UNC5C: variants seen among roughly 807,000 people sequenced by gnomAD.
UNC5C encodes netrin receptor UNC5C.
Under a neutral mutation model 99.8 loss-of-function variants are expected in UNC5C, and 47 were observed. The observed-to-expected ratio is 0.47, with a 90% confidence interval of 0.37 to 0.60. The LOEUF is 0.60. UNC5C is among the 20% of genes least tolerant of loss of function. The probability of loss-of-function intolerance (pLI) is 0.00; values close to 1 mark genes in which losing one functional copy is unlikely to be tolerated. For missense variants in UNC5C, 1,062 were observed against 1,165.9 expected (o/e 0.91, Z 1.30); for synonymous variants, 487 against 452.2 (o/e 1.08, Z -0.98).
chr4:95,536,954 C>T (rs1722796761), intron 1 of UNC5C, among the ~76,000 whole-genome samples: 1 of 152,112 alleles, frequency 6.6e-6, no homozygotes, highest in African/African-American at 2.4e-5. Flanking sequence ...TGAATTAAAA[C>T]AGTTAACAAC....
intron 1 of UNC5C, among the ~76,000 whole-genome samples, chr4:95,430,344 G>A (rs943995568): frequency 6.6e-5 from 10 of 151,920 alleles, no homozygotes; most frequent in South Asian, 4.1e-4. Context: ...ATTTTCAGTC[G>A]GAAGGTTAAC....
chr4:95,445,197 T>C (rs1396954754), intron 1 of UNC5C, among the ~76,000 whole-genome samples: 15 of 152,218 alleles, frequency 9.9e-5, no homozygotes, highest in Non-Finnish European at 2.1e-4. Context: ...GGATGATTTG[T>C]AAATTAAATT....
At chr4:95,348,479 T>C (rs1193854492) in intron 1 of UNC5C, among the ~76,000 whole-genome samples, 1 of 151,556 alleles carries the variant, frequency 6.6e-6, no homozygotes, top group Non-Finnish European at 1.5e-5. Flanking sequence ...ATTGTAGCAC[T>C]AGTCACAATT....
At chr4:95,306,437 C>T (rs192177330) in intron 2 of UNC5C, among the ~76,000 whole-genome samples, 297 of 152,110 alleles carry the variant, frequency 2.0e-3, no homozygotes, top group African/African-American at 6.7e-3. Context: ...CTAGTGACCT[C>T]GTGATCCACC....
At chr4:95,418,343 G>A (rs1054054739) in intron 1 of UNC5C, among the ~76,000 whole-genome samples, 8 of 152,174 alleles carry the variant, frequency 5.3e-5, no homozygotes, top group Non-Finnish European at 8.8e-5. Context: ...TTAGAAACGC[G>A]ATGACAAGAG....
Position 95,498,491 on chromosome 4 carries a change from G to A in UNC5C, c.124+50243C>T, listed in dbSNP as rs368341869. On this transcript the variant is annotated intron_variant, in intron 1 of 15. Coordinates refer to ENST00000453304, the MANE Select transcript of UNC5C (RefSeq NM_003728.4). ...TCCATCTTTTCTAAAAACACTGAAT[G>A]AGATACTCCTTACCAAAGTACTCTA... Among the ~76,000 whole-genome samples, 7 of 152,088 alleles carry A rather than the reference G, an allele frequency of 4.6e-5. No homozygotes were observed. In the South Asian group the frequency reaches 1.5e-3, roughly 32 times the overall value.
At chr4:95,421,004 T>C (rs562231977) in intron 1 of UNC5C, among the ~76,000 whole-genome samples, 1 of 152,166 alleles carries the variant, frequency 6.6e-6, no homozygotes, top group Non-Finnish European at 1.5e-5. Flanking sequence ...TCTCTAAGAA[T>C]CCTATCTTCA....
chr4:95,429,027 CTGCTCT>C (rs556916515), intron 1 of UNC5C, among the ~76,000 whole-genome samples: 310 of 152,138 alleles, frequency 2.0e-3, no homozygotes, highest in Admixed American at 2.8e-3. Flanking sequence ...TAAAAGCTTT[CTGCTCT>C]TGCTCTGTTT....
At chr4:95,289,007 T>C (rs1741345679) in intron 3 of UNC5C, among the ~76,000 whole-genome samples, 1 of 152,242 alleles carries the variant, frequency 6.6e-6, no homozygotes, top group Non-Finnish European at 1.5e-5. Context: ...GGATCTGCTC[T>C]GCCATAGTTT....
At chr4:95,441,424 G>A (rs1046571802) in intron 1 of UNC5C, among the ~76,000 whole-genome samples, 67 of 152,254 alleles carry the variant, frequency 4.4e-4, no homozygotes, top group African/African-American at 1.3e-3. Flanking sequence ...AATGAATAAC[G>A]AAGGAGGACT....
chr4:95,197,728 T>C (rs966366865), intron 12 of UNC5C, among the ~76,000 whole-genome samples: 1 of 152,152 alleles, frequency 6.6e-6, no homozygotes, highest in Non-Finnish European at 1.5e-5. Context: ...AAGGCATCCC[T>C]TAGAACAGGT....
At position 95,467,413 on chromosome 4, in the gene UNC5C, C is replaced by G. The variant is rs1210610543; in HGVS notation, c.124+81321G>C. On this transcript the variant is annotated intron_variant, in intron 1 of 15. Coordinates refer to ENST00000453304, the MANE Select transcript of UNC5C (RefSeq NM_003728.4). ...ATAAAGATCAACCCACAGATAAAAA[C>G]AGAGAGAGAGAATGGGGCTGGGAGA... 3.3e-5 allele frequency among the ~76,000 whole-genome samples: 5 copies of G among 152,084 alleles called. No individual in the cohort carries two copies. The East Asian group carries it at 9.7e-4, about 29-fold the overall frequency.
chr4:95,286,674 A>G (rs1019850588), intron 3 of UNC5C, among the ~76,000 whole-genome samples: 1 of 152,100 alleles, frequency 6.6e-6, no homozygotes, highest in Non-Finnish European at 1.5e-5. Context: ...TTTTTTCTTG[A>G]AACATGACAC....
At chr4:95,312,234 C>T (rs923321637) in intron 2 of UNC5C, among the ~76,000 whole-genome samples, 5 of 152,212 alleles carry the variant, frequency 3.3e-5, no homozygotes, top group African/African-American at 1.2e-4. Context: ...TGATGAAATG[C>T]TTATGAATCC....
chr4:95,362,263 C>A (rs1263302107), intron 1 of UNC5C, among the ~76,000 whole-genome samples: 8 of 152,286 alleles, frequency 5.3e-5, no homozygotes, highest in Admixed American at 5.2e-4. Flanking sequence ...CCCATCGGAG[C>A]GTTCCAATCC....
chr4:95,465,105 C>A (rs971278065), intron 1 of UNC5C, among the ~76,000 whole-genome samples: 1 of 152,064 alleles, frequency 6.6e-6, no homozygotes, highest in Non-Finnish European at 1.5e-5. Context: ...CTCACTAAGG[C>A]GCATCGTTCC....
chr4:95,207,864 A>T (rs1737938313), intron 10 of UNC5C, among the ~76,000 whole-genome samples: 1 of 152,194 alleles, frequency 6.6e-6, no homozygotes, highest in Non-Finnish European at 1.5e-5. Flanking sequence ...AAATATTCTT[A>T]CTTAGAATGA....
intron 1 of UNC5C, among the ~76,000 whole-genome samples, chr4:95,534,353 TC>T (rs1158967641): frequency 6.6e-6 from 1 of 152,196 alleles, no homozygotes; most frequent in Non-Finnish European, 1.5e-5. Context: ...GTTATGTTCT[TC>T]CTATCAAGTT....
intron 1 of UNC5C, among the ~76,000 whole-genome samples, chr4:95,438,801 C>A (rs1446863757): frequency 1.3e-5 from 2 of 152,138 alleles, no homozygotes; most frequent in Non-Finnish European, 2.9e-5. Flanking sequence ...TCCTAAACAG[C>A]TGATTTTATT....
Sources: allele counts gnomAD v4.1 joint callset (sites outside exome capture counted in the v4.1 genomes callset), GRCh38; gene constraint gnomAD v4.1.1; transcripts MANE v1.5; gene names NCBI Gene and HGNC (gene_info 2026-07-23, HGNC 2026-07-21).